MUC22: variants seen among roughly 807,000 people sequenced by gnomAD.
The protein encoded by MUC22 is mucin 22, also known as mucin-22.
A neutral mutation model predicts 40.3 loss-of-function variants in MUC22; 24 were observed. The ratio of observed to expected loss-of-function variants is 0.60; its 90% confidence interval spans 0.43 to 0.84. MUC22 has a LOEUF of 0.84. Ranked by LOEUF, MUC22 falls within the 40% of genes least tolerant of loss-of-function variation. MUC22 has a pLI of 0.00. For synonymous variants in MUC22, 765 were observed against 844.5 expected (o/e 0.91, Z 1.63); for missense variants, 1,926 against 2,130.7 (o/e 0.90, Z 1.89).
At chr6:31,026,998 T>C in exon 2 of MUC22, 1 of 1,493,236 alleles carries the variant, frequency 6.7e-7, no homozygotes, top group Non-Finnish European at 8.9e-7. Flanking sequence ...TACTGAAGAT[T>C]CTAAGACTAC....
intron 2 of MUC22, among the ~76,000 whole-genome samples, chr6:31,031,861 C>A (rs1766088900): frequency 6.6e-6 from 1 of 152,162 alleles, no homozygotes; most frequent in Non-Finnish European, 1.5e-5. Context: ...TTTTTATCAG[C>A]CCACCCTCTT....
At chr6:31,025,583 C>T in exon 2 of MUC22, 1 of 1,523,648 alleles carries the variant, frequency 6.6e-7, no homozygotes, top group Non-Finnish European at 8.8e-7. Flanking sequence ...ACCATGGCCT[C>T]CACCATGGCC....
At chr6:31,029,306 G>T in exon 2 of MUC22, 3 of 1,527,978 alleles carry the variant, frequency 2.0e-6, no homozygotes, top group Non-Finnish European at 2.6e-6. Context: ...ACTACTGCAG[G>T]TTCTGAGACC....
chr6:31,008,874 C>T (rs2150735613), upstream of MUC22, among the ~76,000 whole-genome samples: 1 of 152,062 alleles, frequency 6.6e-6, no homozygotes, highest in African/African-American at 2.4e-5. Flanking sequence ...AATTCTCCCC[C>T]CAAGCTTACT....
intron 3 of MUC22, among the ~76,000 whole-genome samples, chr6:31,033,220 A>T (rs1479950919): frequency 6.6e-6 from 1 of 151,880 alleles, no homozygotes; most frequent in African/African-American, 2.4e-5. Context: ...AGAGAGAGAG[A>T]AAAAGAGAAA....
Position 31,029,360 on chromosome 6 carries a change from C to A in MUC22, c.3929C>A (p.Thr1310Asn), listed in dbSNP as rs1463303246. 6.5e-7 allele frequency: 1 copy of A among 1,535,088 alleles called. No individual in the cohort carries two copies. Among genetic ancestry groups the A allele is most frequent in the African/African-American group, 1.4e-5 (1 of 72,918 alleles). Residue 1310 changes from threonine (T) to asparagine (N), a missense_variant, in exon 2 of 4, where the codon ACT becomes AAT. Transcript: ENST00000561890. ...GGCTCTGAGACTACCACCACCTCTACTGAAGGCTCTGAGACAACCACAGTC... is the reference window on the plus strand; with the variant it reads ...GGCTCTGAGACTACCACCACCTCTAATGAAGGCTCTGAGACAACCACAGTC...
At position 31,027,054 on chromosome 6, in the gene MUC22, A is replaced by G. The variant is rs777411562; in HGVS notation, c.1623A>G (p.Thr541=). Reference sequence around the variant, plus strand: ...TTGAGACAACCGCAGCCTCTACTACAGGCTCTGAGCCTACCATGGCATCCA... The same window carrying G: ...TTGAGACAACCGCAGCCTCTACTACGGGCTCTGAGCCTACCATGGCATCCA... The change falls in exon 2 of 4, where the codon ACA becomes ACG. Residue 541 remains threonine (T), a synonymous_variant. Coordinates refer to ENST00000561890, the Ensembl canonical transcript of MUC22. The G allele has an allele frequency of 4.7e-6, 7 of 1,500,150 alleles. 1 individual carries two copies. In the South Asian group the frequency reaches 8.6e-5, roughly 18 times the overall value. The allele number at this position is 1,500,150 out of a possible 1,614,324, so 92.9% of individuals were successfully genotyped here. A position where few individuals can be genotyped will look rare whatever the true frequency, so the allele number is the denominator to read the frequency against.
exon 2 of MUC22, chr6:31,026,267 C>A: frequency 2.2e-6 from 3 of 1,338,508 alleles, no homozygotes; most frequent in Non-Finnish European, 3.0e-6. Flanking sequence ...GAGACCACTA[C>A]AATCCTGATT....
intron 1 of MUC22, among the ~76,000 whole-genome samples, chr6:31,024,243 G>C (rs369128394): frequency 6.6e-6 from 1 of 152,180 alleles, no homozygotes; most frequent in Non-Finnish European, 1.5e-5. Context: ...AATTGAACTG[G>C]TTTACTATTA....
chr6:31,034,109 C>T (rs1012429121), intron 3 of MUC22, among the ~76,000 whole-genome samples: 37 of 152,222 alleles, frequency 2.4e-4, no homozygotes, highest in African/African-American at 8.7e-4. Context: ...ATATTATATT[C>T]ATCTTACAAG....
exon 2 of MUC22, chr6:31,027,958 T>C: frequency 6.5e-7 from 1 of 1,535,074 alleles, no homozygotes; most frequent in Non-Finnish European, 8.7e-7. Flanking sequence ...CACTGCAGGC[T>C]CTGAGACCAC....
chr6:31,022,125 C>T (rs535540570), intron 1 of MUC22, among the ~76,000 whole-genome samples: 2 of 152,130 alleles, frequency 1.3e-5, no homozygotes, highest in South Asian at 2.1e-4. Flanking sequence ...ACTCCGAACA[C>T]ATCTGAACAT....
chr6:31,025,688 C>A (rs759668593), exon 2 of MUC22: 1 of 1,529,464 alleles, frequency 6.5e-7, no homozygotes, highest in Admixed American at 2.0e-5. Flanking sequence ...TCTACTGCAG[C>A]CTTCACCACA....
intron 2 of MUC22, 70 bp downstream of exon 2, chr6:31,030,170 G>A: frequency 7.0e-7 from 1 of 1,420,232 alleles, no homozygotes; most frequent in Middle Eastern, 1.8e-4. Context: ...CTGTTCACCT[G>A]TTTCTATCAT....
chr6:31,025,059 G>A (rs558691745), intron 1 of MUC22, among the ~76,000 whole-genome samples: 35 of 152,074 alleles, frequency 2.3e-4, no homozygotes, highest in Admixed American at 9.8e-4. Context: ...AGTAGAGATG[G>A]GGTTTCTCCA....
At chr6:31,006,979 C>A (rs1422017252), upstream of MUC22, among the ~76,000 whole-genome samples, 3 of 151,900 alleles carry the variant, frequency 2.0e-5, no homozygotes, top group Admixed American at 6.6e-5. Flanking sequence ...TGAGACCCCC[C>A]ACATCTCTTA....
At chr6:31,034,769 G>A (rs559047563) in exon 4 of MUC22, 341 of 1,535,716 alleles carry the variant, frequency 2.2e-4, no homozygotes, top group South Asian at 1.9e-3. Context: ...CTGGGCTCTG[G>A]GACATTCCAC....
At chr6:31,028,023 G>T in exon 2 of MUC22, 1 of 1,532,556 alleles carries the variant, frequency 6.5e-7, no homozygotes, top group Non-Finnish European at 8.7e-7. Flanking sequence ...CAGATTCTGA[G>T]ACCACCTCAG....
At chr6:31,024,874 T>C (rs1033884973) in intron 1 of MUC22, among the ~76,000 whole-genome samples, 3 of 151,684 alleles carry the variant, frequency 2.0e-5, no homozygotes, top group Non-Finnish European at 2.9e-5. Flanking sequence ...GCCTTCTTTT[T>C]TTTTTTTTTT....
Sources: gnomAD v4.1 joint callset for allele counts (sites outside exome capture counted in the v4.1 genomes callset) on GRCh38, gnomAD v4.1.1 for gene constraint, MANE v1.5 for transcripts, NCBI Gene and HGNC (gene_info 2026-07-23, HGNC 2026-07-21) for gene names.